POU1F1: variants seen among roughly 807,000 people sequenced by gnomAD.
The protein encoded by POU1F1 is POU class 1 homeobox 1.
Under a neutral mutation model 32.3 loss-of-function variants are expected in POU1F1, and 23 were observed. That is an observed-to-expected ratio of 0.71 (90% CI 0.51 to 1.01). POU1F1 has a LOEUF of 1.01. Ranked by LOEUF, POU1F1 falls within the 50% of genes least tolerant of loss-of-function variation. POU1F1 has a pLI of 0.00. For synonymous variants in POU1F1, 120 were observed against 115.6 expected, an observed-to-expected ratio of 1.04 and a Z score of -0.25; for missense variants, 323 against 341.6, an observed-to-expected ratio of 0.95 and a Z score of 0.43.
Position 87,273,360 on chromosome 3 carries a change from A to T in POU1F1, c.201T>A (p.Tyr67Ter). The T allele has an allele frequency of 6.2e-7, 1 of 1,612,944 alleles. No homozygotes were observed. Among genetic ancestry groups the T allele is most frequent in the Non-Finnish European group, 8.5e-7 (1 of 1,179,270 alleles). ...AACTTTTCTTACCTGCCATCACTCC[A>T]TAGGTTGATGGCTGGTTTCCATAAT... is the stretch of plus-strand genomic sequence containing the variant. ...SCHYGNQPST[Y>*]GVMAGSLTPC... Residue 67 changes from tyrosine to a stop codon, truncating the protein, a stop_gained, in exon 2 of 6, where the codon TAT becomes TAA. Coordinates refer to ENST00000350375, the MANE Select transcript of POU1F1 (RefSeq NM_000306.4). LOFTEE classifies it high-confidence loss of function.
rs35797818 is a variant in POU1F1 at position 87,276,248 on chromosome 3, C to G, written c.142+73G>C. On this transcript the variant is annotated intron_variant, in intron 1 of 5. Transcript: ENST00000350375. ...ATGAAAGATGCAAAGAGATTATTAA[C>G]TATCAAGATTCAAAGCATTCATTCT... 2,846 of 1,523,594 alleles carry G rather than the reference C, an allele frequency of 1.9e-3. 84 individuals are homozygous for G. The Admixed American group carries it at 0.045, about 24-fold the overall frequency. 94.4% of individuals were successfully genotyped at this position (1,523,594 alleles called of 1,614,324 possible). A position where few individuals can be genotyped will look rare whatever the true frequency, so the allele number is the denominator to read the frequency against.
At chr3:87,273,972 G>A (rs1706777381) in intron 1 of POU1F1, among the ~76,000 whole-genome samples, 1 of 152,138 alleles carries the variant, frequency 6.6e-6, no homozygotes, top group Non-Finnish European at 1.5e-5. Context: ...AGAGCAAGTA[G>A]CCTTTTATTA....
Position 87,262,052 on chromosome 3 carries a change from C to A in POU1F1, c.604+19G>T. Reference sequence around the variant, plus strand: ...TTAGGTTAAAACACAGCACAGCCTTCAGAGACACAATTTAGTACCTCCTAC... The same window carrying A: ...TTAGGTTAAAACACAGCACAGCCTTAAGAGACACAATTTAGTACCTCCTAC... On this transcript the variant is annotated intron_variant, in intron 4 of 5. Coordinates refer to ENST00000350375, the MANE Select transcript of POU1F1 (RefSeq NM_000306.4). 1 of 1,613,828 alleles carries A rather than the reference C, an allele frequency of 6.2e-7. No individual in the cohort carries two copies. Among genetic ancestry groups the A allele is most frequent in the Non-Finnish European group, 8.5e-7 (1 of 1,179,840 alleles).
At chr3:87,262,743 T>A (rs12486159) in intron 3 of POU1F1, among the ~76,000 whole-genome samples, 35,449 of 152,056 alleles carry the variant, frequency 0.23, 5,195 homozygotes, top group South Asian at 0.37. Flanking sequence ...AAAACCATAT[T>A]TATTAAGAGG....
chr3:87,262,644 A>G (rs1283553140), intron 3 of POU1F1, among the ~76,000 whole-genome samples: 1 of 152,110 alleles, frequency 6.6e-6, no homozygotes, highest in African/African-American at 2.4e-5. Context: ...ATACGGTTAT[A>G]TATCATAACA....
chr3:87,264,097 T>A (rs62257801), intron 3 of POU1F1, among the ~76,000 whole-genome samples, 191 bp downstream of exon 3: 1 of 152,156 alleles, frequency 6.6e-6, no homozygotes, highest in African/African-American at 2.4e-5. Context: ...TTAAAAATTA[T>A]GTATTTAGGC....
At chr3:87,263,634 T>C (rs1312162188) in intron 3 of POU1F1, among the ~76,000 whole-genome samples, 2 of 152,102 alleles carry the variant, frequency 1.3e-5, no homozygotes, top group Non-Finnish European at 2.9e-5. Flanking sequence ...GCTGCGCATA[T>C]ATTTATATGA....
chr3:87,261,970 A>G, intron 4 of POU1F1, 101 bp downstream of exon 4: 1 of 1,426,680 alleles, frequency 7.0e-7, no homozygotes, highest in Non-Finnish European at 9.8e-7. Flanking sequence ...AAAGGCGGAA[A>G]AAAACCCCTC....
In POU1F1 at chr3:87,260,118, G is replaced by A; in HGVS notation, c.666-14C>T. The stretch of plus-strand genomic sequence containing the variant: ...TTAGCAGCAATGCTGGCGGGGGGTG[G>A]ACATAGGGGGTGAAATTTTGTTGTT... On this transcript the variant is annotated splice_polypyrimidine_tract_variant and intron_variant, in intron 5 of 5. Transcript: ENST00000350375. 1 of 1,607,094 alleles carries A rather than the reference G, an allele frequency of 6.2e-7. No homozygotes were observed. Among genetic ancestry groups the A allele is most frequent in the Non-Finnish European group, 8.5e-7 (1 of 1,175,524 alleles).
At position 87,266,474 on chromosome 3, in the gene POU1F1, C is replaced by T. The variant is rs1706624955; in HGVS notation, c.215-1962G>A. Among the ~76,000 whole-genome samples, 3 of 150,238 alleles carry T rather than the reference C, an allele frequency of 2.0e-5. No homozygotes were observed. The South Asian group carries it at 6.2e-4, about 31-fold the overall frequency. ...GTAAACATACAAATGAGAGATTAAA[C>T]AAATTAGCATAACATAAATTTATCT... On this transcript the variant is annotated intron_variant, in intron 2 of 5. Transcript: ENST00000350375.
At chr3:87,262,344 T>G in intron 3 of POU1F1, 109 bp from the exon 4 acceptor site, 1 of 1,223,462 alleles carries the variant, frequency 8.2e-7, no homozygotes, top group South Asian at 1.3e-5. Flanking sequence ...ACACTATTTT[T>G]TAACTATATA....
chr3:87,265,106 G>T (rs1706592713), intron 2 of POU1F1, among the ~76,000 whole-genome samples: 3 of 152,028 alleles, frequency 2.0e-5, no homozygotes, highest in Admixed American at 2.0e-4. Flanking sequence ...GAAAGAGAAT[G>T]ATGAGAATAT....
chr3:87,276,257 T>G (rs1706823077), intron 1 of POU1F1, 64 bp downstream of exon 1: 1 of 1,547,722 alleles, frequency 6.5e-7, no homozygotes, highest in Non-Finnish European at 8.9e-7. Context: ...ACTATCAAGA[T>G]TCAAAGCATT....
chr3:87,268,705 A>T (rs1157690005), intron 2 of POU1F1, among the ~76,000 whole-genome samples: 3 of 152,204 alleles, frequency 2.0e-5, no homozygotes, highest in Admixed American at 2.0e-4. Flanking sequence ...TGAAACATGG[A>T]TAAAGAAAAA....
chr3:87,259,879 T>C lies in POU1F1; in HGVS notation c.*15A>G. 3.1e-6 allele frequency: 5 copies of C among 1,602,252 alleles called. No individual in the cohort carries two copies. Among genetic ancestry groups the C allele is most frequent in the East Asian group, 2.2e-5 (1 of 44,778 alleles). ...ATGAAACGGGAGAAAAAGGCTATTATACAATAGAAAAATCTTATCTGCACT... is the reference window on the plus strand; with the variant it reads ...ATGAAACGGGAGAAAAAGGCTATTACACAATAGAAAAATCTTATCTGCACT... On this transcript the variant is annotated 3_prime_UTR_variant, in exon 6 of 6. Transcript: ENST00000350375.
intron 3 of POU1F1, 113 bp from the exon 4 acceptor site, chr3:87,262,348 CTATA>C: frequency 8.5e-7 from 1 of 1,180,044 alleles, no homozygotes; most frequent in South Asian, 1.4e-5. Context: ...TATTTTTTAA[CTATA>C]TATTCTTGGC....
Position 87,276,537 on chromosome 3 carries a change from G to A in POU1F1, c.-75C>T. Reference sequence around the variant, plus strand: ...AGTTTTATTATATTACTGTCTCAAAGGGCCGATTCAATTCTCACTACCTGC... The same window carrying A: ...AGTTTTATTATATTACTGTCTCAAAAGGCCGATTCAATTCTCACTACCTGC... On this transcript the variant is annotated 5_prime_UTR_variant, in exon 1 of 6. Transcript: ENST00000350375. 1 of 1,533,552 alleles carries A rather than the reference G, an allele frequency of 6.5e-7. No individual in the cohort carries two copies. The highest frequency in any genetic ancestry group is 2.4e-5 in the East Asian group (1 of 42,060). The allele number at this position is 1,533,552 out of a possible 1,614,324, so 95.0% of individuals were successfully genotyped here. A position where few individuals can be genotyped will look rare whatever the true frequency, so the allele number is the denominator to read the frequency against.
At chr3:87,267,479 A>C (rs2106934051) in intron 2 of POU1F1, among the ~76,000 whole-genome samples, 1 of 152,338 alleles carries the variant, frequency 6.6e-6, no homozygotes. Flanking sequence ...TCTCTTTAAA[A>C]GGTTTTCTCT....
chr3:87,266,648 A>G (rs1706627032), intron 2 of POU1F1, among the ~76,000 whole-genome samples: 1 of 151,710 alleles, frequency 6.6e-6, no homozygotes, highest in Admixed American at 6.6e-5. Context: ...TCTTGATCAG[A>G]CAAGAGAACA....
Sources: allele counts gnomAD v4.1 joint callset (sites outside exome capture counted in the v4.1 genomes callset), GRCh38; gene constraint gnomAD v4.1.1; transcripts MANE v1.5; gene names NCBI Gene and HGNC (gene_info 2026-07-23, HGNC 2026-07-21).